ARMC9: variants seen among roughly 807,000 people sequenced by gnomAD.
ARMC9 encodes armadillo repeat containing 9.
ARMC9 carries 94 observed loss-of-function variants against 107.0 expected under a neutral mutation model. The observed-to-expected ratio is 0.88, with a 90% CI of 0.74 to 1.04. The LOEUF is 1.04. Ranked by LOEUF, ARMC9 falls within the 50% of genes least tolerant of loss-of-function variation. ARMC9 has a pLI of 0.00. For synonymous variants in ARMC9, 380 were observed against 396.9 expected (o/e 0.96, Z 0.51); for missense variants, 942 against 1,030.1 (o/e 0.91, Z 1.17).
intron 7 of ARMC9, among the ~76,000 whole-genome samples, chr2:231,234,252 C>T (rs865861099): frequency 2.6e-5 from 4 of 152,162 alleles, no homozygotes; most frequent in South Asian, 2.1e-4. Context: ...GTGCCAACAC[C>T]GATGAGGATT....
At chr2:231,272,733 C>T (rs2039447248) in intron 13 of ARMC9, among the ~76,000 whole-genome samples, 1 of 152,020 alleles carries the variant, frequency 6.6e-6, no homozygotes. Flanking sequence ...CCAGGCTGGT[C>T]TCAAACTCCT....
chr2:231,253,630 G>A (rs1475988160), intron 9 of ARMC9, among the ~76,000 whole-genome samples: 3 of 152,234 alleles, frequency 2.0e-5, no homozygotes, highest in South Asian at 2.1e-4. Context: ...GGACCTGGCT[G>A]AAGTGCAGGT....
At position 231,277,706 on chromosome 2, in the gene ARMC9, G is replaced by T. The variant is rs185281955; in HGVS notation, c.1475-676G>T. ...GCCTCCCGAGTAGCTGGGATTACAG[G>T]TGCCCACCACCACACCTGGCGAATT... On this transcript the variant is annotated intron_variant, in intron 15 of 24. Transcript: ENST00000611582. 5.8e-4 allele frequency among the ~76,000 whole-genome samples: 88 copies of T among 151,972 alleles called. 1 individual carries two copies. Among genetic ancestry groups the T allele is most frequent in the African/African-American group, 2.0e-3 (82 of 41,452 alleles).
intron 19 of ARMC9, among the ~76,000 whole-genome samples, chr2:231,324,684 T>C (rs1022091558): frequency 2.6e-5 from 4 of 151,674 alleles, no homozygotes; most frequent in Admixed American, 2.6e-4. Context: ...GCGGAGGTTG[T>C]GGTGAGTGGA....
At chr2:231,303,732 G>A (rs1464546714) in intron 19 of ARMC9, among the ~76,000 whole-genome samples, 2 of 152,128 alleles carry the variant, frequency 1.3e-5, no homozygotes, top group Non-Finnish European at 2.9e-5. Context: ...GAGGCCAGGA[G>A]TTCAAGACCA....
chr2:231,352,931 A>G (rs867339102), intron 21 of ARMC9, among the ~76,000 whole-genome samples: 2 of 132,294 alleles, frequency 1.5e-5, no homozygotes, highest in Middle Eastern at 3.5e-3. Flanking sequence ...GCCGGGCGCC[A>G]TGGCTCACGC....
intron 14 of ARMC9, among the ~76,000 whole-genome samples, chr2:231,273,948 C>T (rs1001312139): frequency 6.6e-6 from 1 of 152,088 alleles, no homozygotes; most frequent in Admixed American, 6.5e-5. Context: ...TGCTTTCTGT[C>T]GATTGACTTG....
intron 19 of ARMC9, among the ~76,000 whole-genome samples, chr2:231,301,571 C>A (rs2041726399): frequency 6.6e-6 from 1 of 152,004 alleles, no homozygotes; most frequent in Admixed American, 6.6e-5. Flanking sequence ...CATATCCTTT[C>A]TGTTTTTTTC....
At chr2:231,288,859 A>T (rs2040797197) in intron 17 of ARMC9, 1 of 364,502 alleles carries the variant, frequency 2.7e-6, no homozygotes, top group African/African-American at 2.1e-5. Flanking sequence ...CACATGACAA[A>T]TTGTTTTCTT....
intron 19 of ARMC9, among the ~76,000 whole-genome samples, chr2:231,330,524 T>TGGGCTCCCACCTGGTCTTCACTTACA (rs2043657394): frequency 6.6e-6 from 1 of 152,132 alleles, no homozygotes; most frequent in Admixed American, 6.5e-5. Flanking sequence ...GGTAGAAGTC[T>TGGGCTCCCACCTGGTCTTCACTTACA]GGGCTCCCAC....
At chr2:231,295,995 G>T in intron 18 of ARMC9, 2 of 394,392 alleles carry the variant, frequency 5.1e-6, no homozygotes, top group Non-Finnish European at 9.0e-6. Flanking sequence ...TGGTAAAAAT[G>T]GAGAGATTTA....
At chr2:231,363,274 C>T (rs2045667075) in intron 23 of ARMC9, among the ~76,000 whole-genome samples, 1 of 152,200 alleles carries the variant, frequency 6.6e-6, no homozygotes, top group African/African-American at 2.4e-5. Context: ...TGGTGGGGAA[C>T]GTTTGTCCCC....
At chr2:231,268,478 T>G (rs1195265172) in intron 12 of ARMC9, among the ~76,000 whole-genome samples, 1 of 152,058 alleles carries the variant, frequency 6.6e-6, no homozygotes, top group Non-Finnish European at 1.5e-5. Context: ...TGTCCAGGAG[T>G]CTCTTCACCA....
At chr2:231,356,030 C>G (rs973797344) in intron 22 of ARMC9, 96 bp downstream of exon 22, 2 of 1,424,288 alleles carry the variant, frequency 1.4e-6, no homozygotes, top group African/African-American at 2.8e-5. Flanking sequence ...ACGTCTGCTC[C>G]TGGGAAGCCC....
intron 17 of ARMC9, among the ~76,000 whole-genome samples, chr2:231,285,376 T>G (rs926366446): frequency 6.6e-6 from 1 of 152,004 alleles, no homozygotes; most frequent in Non-Finnish European, 1.5e-5. Flanking sequence ...TGGGGCACGG[T>G]GGCTCATGCC....
chr2:231,282,397 A>G (rs529310931), intron 17 of ARMC9, among the ~76,000 whole-genome samples: 2 of 152,368 alleles, frequency 1.3e-5, no homozygotes, highest in South Asian at 2.1e-4. Context: ...TTGCAAAGTT[A>G]TAGACATTCT....
chr2:231,286,276 C>T (rs573158275), intron 17 of ARMC9, among the ~76,000 whole-genome samples: 22 of 152,238 alleles, frequency 1.4e-4, no homozygotes, highest in African/African-American at 4.3e-4. Flanking sequence ...CCACCATGCC[C>T]GGCTAATGTT....
intron 19 of ARMC9, among the ~76,000 whole-genome samples, chr2:231,315,106 G>A (rs1183554146): frequency 6.6e-6 from 1 of 151,762 alleles, no homozygotes; most frequent in Non-Finnish European, 1.5e-5. Flanking sequence ...GGGTGTGGTG[G>A]TGCATGCCTG....
intron 20 of ARMC9, among the ~76,000 whole-genome samples, chr2:231,342,014 G>T (rs541975522): frequency 1.3e-5 from 2 of 152,224 alleles, no homozygotes; most frequent in Non-Finnish European, 2.9e-5. Context: ...GCAGAACTCA[G>T]TATAAACAGC....
Sources: allele counts gnomAD v4.1 joint callset (sites outside exome capture counted in the v4.1 genomes callset), GRCh38; gene constraint gnomAD v4.1.1; transcripts MANE v1.5; gene names NCBI Gene and HGNC (gene_info 2026-07-23, HGNC 2026-07-21).